The following GPC5 variants were observed in gnomAD, a reference collection of about 807,000 sequenced individuals.
GPC5 encodes the protein glypican 5, also known as glypican-5.
Under a neutral mutation model 53.9 loss-of-function variants are expected in GPC5, and 47 were observed. The observed-to-expected ratio is 0.87, with a 90% confidence interval of 0.69 to 1.11. The LOEUF is 1.11. GPC5 is among the 50% of genes most tolerant of loss of function. The pLI is 0.00. For synonymous variants in GPC5, 286 were observed against 263.3 expected (o/e 1.09, Z -0.84); for missense variants, 748 against 713.1 (o/e 1.05, Z -0.56).
intron 5 of GPC5, among the ~76,000 whole-genome samples, chr13:91,815,143 A>C (rs1005727057): frequency 1.3e-5 from 2 of 152,176 alleles, no homozygotes; most frequent in East Asian, 1.9e-4. Context: ...AAGCAGGAGG[A>C]TCACTTGAAG....
intron 5 of GPC5, among the ~76,000 whole-genome samples, chr13:91,830,221 C>T (rs1053361071): frequency 1.6e-4 from 25 of 152,106 alleles, no homozygotes; most frequent in Non-Finnish European, 1.8e-4. Flanking sequence ...AAGAATTCAG[C>T]GATATTTCTC....
rs146752452 is a variant in GPC5, at chr13:92,173,987, C to G, written c.1561+28998C>G. 3.0e-3 allele frequency among the ~76,000 whole-genome samples: 451 copies of G among 151,942 alleles called. 5 individuals are homozygous for G. The highest frequency in any genetic ancestry group is 0.01 in the African/African-American group (430 of 41,434). ...GGGTGTGGTGGCACCCACCTGTAGTCCCAGCTACTGAGGAAGTTGAGGTGG... is the reference window on the plus strand; with the variant it reads ...GGGTGTGGTGGCACCCACCTGTAGTGCCAGCTACTGAGGAAGTTGAGGTGG... On this transcript the variant is annotated intron_variant, in intron 7 of 7. Coordinates refer to ENST00000377067, the MANE Select transcript of GPC5 (RefSeq NM_004466.6).
intron 7 of GPC5, among the ~76,000 whole-genome samples, chr13:92,173,845 C>T (rs1024445781): frequency 4.6e-5 from 7 of 152,278 alleles, no homozygotes; most frequent in African/African-American, 1.7e-4. Context: ...GTAGCACACA[C>T]CTAATTCCCA....
chr13:92,230,983 A>G (rs1230015275), intron 7 of GPC5, among the ~76,000 whole-genome samples: 1 of 152,226 alleles, frequency 6.6e-6, no homozygotes, highest in Non-Finnish European at 1.5e-5. Context: ...CAAAGGCAGC[A>G]AGGTGTCATG....
intron 6 of GPC5, among the ~76,000 whole-genome samples, chr13:92,061,266 T>C (rs1326017897): frequency 6.6e-6 from 1 of 152,056 alleles, no homozygotes; most frequent in African/African-American, 2.4e-5. Context: ...ACCTATTGCA[T>C]TTGCAAGATT....
intron 7 of GPC5, among the ~76,000 whole-genome samples, chr13:92,752,828 C>G (rs1036743403): frequency 2.6e-5 from 4 of 152,250 alleles, no homozygotes; most frequent in African/African-American, 9.6e-5. Context: ...GCACCTGGCT[C>G]GGAGGGACCT....
At chr13:92,249,640 G>A (rs2042677779) in intron 7 of GPC5, among the ~76,000 whole-genome samples, 1 of 152,044 alleles carries the variant, frequency 6.6e-6, no homozygotes, top group African/African-American at 2.4e-5. Context: ...AAAATTTTTA[G>A]TGGGGGGGTT....
intron 7 of GPC5, among the ~76,000 whole-genome samples, chr13:92,265,907 C>T (rs960564338): frequency 1.3e-5 from 2 of 152,192 alleles, no homozygotes; most frequent in African/African-American, 4.8e-5. Flanking sequence ...TGGCAAGGGG[C>T]TTCTTGCTAC....
intron 7 of GPC5, among the ~76,000 whole-genome samples, chr13:92,654,989 C>T (rs1184829291): frequency 9.2e-5 from 14 of 152,150 alleles, no homozygotes; most frequent in Middle Eastern, 3.2e-3. Flanking sequence ...GAGACAGAGG[C>T]TGGCATTAGG....
In GPC5 at chr13:92,053,659, A is replaced by G. The variant is rs1054212794; in HGVS notation, c.1402-91171A>G. On this transcript the variant is annotated intron_variant, in intron 6 of 7. Coordinates refer to ENST00000377067, the MANE Select transcript of GPC5 (RefSeq NM_004466.6). ...ATATATGAAAATATGTACAAAATAC[A>G]TTGCTATACGTTAATGTATAGCAAT... is the stretch of plus-strand genomic sequence containing the variant. Among the ~76,000 whole-genome samples, 3 of 152,244 alleles carry G rather than the reference A, an allele frequency of 2.0e-5. No homozygotes were observed. In the South Asian group the frequency reaches 6.2e-4, roughly 32 times the overall value.
intron 6 of GPC5, among the ~76,000 whole-genome samples, chr13:92,048,909 A>T (rs1255649594): frequency 2.6e-5 from 4 of 152,218 alleles, no homozygotes; most frequent in Admixed American, 2.6e-4. Context: ...AGAAGACACA[A>T]CAACTCATTG....
intron 2 of GPC5, among the ~76,000 whole-genome samples, chr13:91,592,005 G>A (rs1400205858): frequency 1.3e-5 from 2 of 152,156 alleles, no homozygotes; most frequent in South Asian, 2.1e-4. Context: ...GAGGTAAAGG[G>A]ATACTTGCTT....
intron 2 of GPC5, among the ~76,000 whole-genome samples, chr13:91,670,576 G>A (rs564583278): frequency 6.6e-6 from 1 of 152,250 alleles, no homozygotes; most frequent in South Asian, 2.1e-4. Context: ...GAAAATCCAT[G>A]ATTTTTCAAC....
intron 7 of GPC5, among the ~76,000 whole-genome samples, chr13:92,391,311 T>G (rs918488302): frequency 6.6e-6 from 1 of 152,150 alleles, no homozygotes; most frequent in Non-Finnish European, 1.5e-5. Context: ...TTTGAATTTT[T>G]ACCAGTAATG....
intron 6 of GPC5, among the ~76,000 whole-genome samples, chr13:92,113,859 A>G (rs188930294): frequency 7.9e-4 from 120 of 152,300 alleles, no homozygotes; most frequent in African/African-American, 2.8e-3. Context: ...TTGCCCAAAG[A>G]AAGAATAAAT....
At chr13:91,712,667 C>T (rs1309303876) in intron 3 of GPC5, among the ~76,000 whole-genome samples, 1 of 152,070 alleles carries the variant, frequency 6.6e-6, no homozygotes, top group African/African-American at 2.4e-5. Context: ...ACCCCACGGC[C>T]TGGTGTCGTC....
At chr13:92,377,648 A>G (rs1039038531) in intron 7 of GPC5, among the ~76,000 whole-genome samples, 1 of 152,152 alleles carries the variant, frequency 6.6e-6, no homozygotes, top group Admixed American at 6.6e-5. Flanking sequence ...CCTTATCTGA[A>G]TTTTCTACAG....
chr13:92,315,708 ATTTCATT>A (rs1418681548), intron 7 of GPC5, among the ~76,000 whole-genome samples: 2 of 152,204 alleles, frequency 1.3e-5, no homozygotes, highest in Non-Finnish European at 2.9e-5. Context: ...TGTGAAAAGA[ATTTCATT>A]GGATGAGATA....
Position 91,461,714 on chromosome 13 carries a change from G to A in GPC5, c.325+12792G>A, listed in dbSNP as rs187930883. 8.1e-4 allele frequency among the ~76,000 whole-genome samples: 123 copies of A among 152,070 alleles called. 1 individual carries two copies. Among genetic ancestry groups the A allele is most frequent in the African/African-American group, 2.7e-3 (114 of 41,514 alleles). ...TTGATAGGCAGTAAAACATTTCATG[G>A]CAGAAGTTGTCTGATAGCTTTTCTT... is the stretch of plus-strand genomic sequence containing the variant. On this transcript the variant is annotated intron_variant, in intron 2 of 7. Transcript: ENST00000377067.
Sources: allele counts gnomAD v4.1 joint callset (sites outside exome capture counted in the v4.1 genomes callset), GRCh38; gene constraint gnomAD v4.1.1; transcripts MANE v1.5; gene names NCBI Gene and HGNC (gene_info 2026-07-23, HGNC 2026-07-21).